Variants in C5orf63 observed in about 807,000 individuals in gnomAD.
C5orf63 encodes the protein glutaredoxin-like protein C5orf63.
C5orf63 carries 18 observed loss-of-function variants against 13.3 expected under a neutral mutation model. The ratio of observed to expected loss-of-function variants is 1.36; its 90% confidence interval spans 0.94 to 2.01. The LOEUF (loss-of-function observed/expected upper bound fraction) is 2.01. Among genes scored for constraint, C5orf63 ranks in the 30% most tolerant of loss-of-function variants. The pLI is 0.00. For synonymous variants in C5orf63, 38 were observed against 44.7 expected, an observed-to-expected ratio of 0.85 and a Z score of 0.60; for missense variants, 118 against 127.7, an observed-to-expected ratio of 0.92 and a Z score of 0.36.
At chr5:127,054,375 C>T (rs966046113) in intron 3 of C5orf63, among the ~76,000 whole-genome samples, 1 of 152,198 alleles carries the variant, frequency 6.6e-6, no homozygotes, top group African/African-American at 2.4e-5. Flanking sequence ...GTTCCTGTTT[C>T]TCCACATCCT....
chr5:127,051,650 C>A lies in C5orf63; in HGVS notation c.*121G>T. On this transcript the variant is annotated 3_prime_UTR_variant, in exon 5 of 5. Coordinates refer to ENST00000296662, the MANE Select transcript of C5orf63 (RefSeq NM_001164478.2). ...GGGGAATGTCAACATTTATTTGGCA[C>A]CACTGAATTCAGAACATCCTTAGGG... The A allele has an allele frequency of 2.3e-6, 3 of 1,284,704 alleles. No individual in the cohort carries two copies. The highest frequency in any genetic ancestry group is 2.9e-6 in the Non-Finnish European group (3 of 1,017,244). 79.6% of individuals were successfully genotyped at this position (1,284,704 alleles called of 1,614,324 possible).
downstream of C5orf63, chr5:127,051,175 A>C: frequency 4.1e-6 from 2 of 482,080 alleles, no homozygotes; most frequent in Non-Finnish European, 6.4e-6. Flanking sequence ...AAGGAGTTTA[A>C]GTTTTTCTTT....
intron 2 of C5orf63, among the ~76,000 whole-genome samples, chr5:127,062,091 A>G (rs1052831576): frequency 2.6e-5 from 4 of 152,372 alleles, no homozygotes; most frequent in Admixed American, 2.6e-4. Context: ...CAAATTCACA[A>G]AGGAAATCTG....
At chr5:127,045,049 T>C (rs1486643232), downstream of C5orf63, 1 of 152,182 alleles carries the variant, frequency 6.6e-6, no homozygotes, top group African/African-American at 2.4e-5. Flanking sequence ...AAAAACTTCC[T>C]AAAAAATGGA....
At chr5:127,052,536 G>T (rs772141219) in intron 4 of C5orf63, 77 bp downstream of exon 4, 84 of 1,007,978 alleles carry the variant, frequency 8.3e-5, no homozygotes, top group Non-Finnish European at 1.1e-4. Flanking sequence ...TTTCCTAAAG[G>T]AAGGATCCAG....
chr5:127,061,009 A>G (rs1481179979), intron 2 of C5orf63, among the ~76,000 whole-genome samples: 1 of 152,226 alleles, frequency 6.6e-6, no homozygotes, highest in Non-Finnish European at 1.5e-5. Context: ...TTTGTATGTT[A>G]AAAGTATTGA....
chr5:127,070,465 C>A (rs968006672), intron 2 of C5orf63, among the ~76,000 whole-genome samples: 3 of 152,164 alleles, frequency 2.0e-5, no homozygotes, highest in Non-Finnish European at 4.4e-5. Context: ...CCATTGGCAA[C>A]AGAAGGCAGC....
At chr5:127,050,399 T>G (rs964235173), downstream of C5orf63, among the ~76,000 whole-genome samples, 1 of 152,100 alleles carries the variant, frequency 6.6e-6, no homozygotes. Context: ...CAGGCTGGAC[T>G]CAAACTTCTG....
intron 2 of C5orf63, among the ~76,000 whole-genome samples, chr5:127,065,755 A>G (rs749451448): frequency 2.6e-5 from 4 of 152,186 alleles, no homozygotes; most frequent in Non-Finnish European, 5.9e-5. Context: ...GGCAGAAAAG[A>G]CTGTTGAGAA....
chr5:127,070,115 G>A (rs1392781589), intron 2 of C5orf63, among the ~76,000 whole-genome samples: 1 of 152,174 alleles, frequency 6.6e-6, no homozygotes, highest in Non-Finnish European at 1.5e-5. Flanking sequence ...AATGAGGAAA[G>A]TCTCAGTTTC....
rs1345208662 is a variant in C5orf63 at position 127,052,612 on chromosome 5, C to T, written c.171+1G>A. 7 of 1,498,822 alleles carry T rather than the reference C, an allele frequency of 4.7e-6. No individual in the cohort carries two copies. The highest frequency in any genetic ancestry group is 6.2e-6 in the Non-Finnish European group (7 of 1,132,746). The allele number at this position is 1,498,822 out of a possible 1,614,324, so 92.8% of individuals were successfully genotyped here. Reference sequence around the variant, plus strand: ...ATAAAAGCCACACTGTATTATATTACCCTGTTTTCATAAGGCTTGAGTACT... The same window carrying T: ...ATAAAAGCCACACTGTATTATATTATCCTGTTTTCATAAGGCTTGAGTACT... On this transcript the variant is annotated splice_donor_variant, in intron 4 of 4. Coordinates refer to ENST00000296662, the MANE Select transcript of C5orf63 (RefSeq NM_001164478.2). LOFTEE classifies it high-confidence loss of function.
chr5:127,068,511 A>G (rs1201663436), intron 2 of C5orf63, among the ~76,000 whole-genome samples: 2 of 152,198 alleles, frequency 1.3e-5, no homozygotes, highest in Non-Finnish European at 2.9e-5. Flanking sequence ...AACTCTCCCT[A>G]CAAAGAAAAA....
At chr5:127,046,069 C>A (rs1467277790) in exon 5 of C5orf63, 1 of 152,190 alleles carries the variant, frequency 6.6e-6, no homozygotes, top group East Asian at 1.9e-4. Flanking sequence ...GCCACATTTC[C>A]AACCATACTC....
At chr5:127,066,292 G>T (rs919983745) in intron 2 of C5orf63, among the ~76,000 whole-genome samples, 2 of 152,028 alleles carry the variant, frequency 1.3e-5, no homozygotes, top group African/African-American at 4.8e-5. Context: ...TTTAGAGGAG[G>T]GAAATGACAT....
At chr5:127,067,025 G>A (rs1390390415) in intron 2 of C5orf63, among the ~76,000 whole-genome samples, 1 of 152,194 alleles carries the variant, frequency 6.6e-6, no homozygotes, top group African/African-American at 2.4e-5. Context: ...CAGAAGAGAT[G>A]CATCTAATGT....
chr5:127,072,285 T>A (rs146562754), intron 1 of C5orf63, among the ~76,000 whole-genome samples: 1 of 152,236 alleles, frequency 6.6e-6, no homozygotes, highest in South Asian at 2.1e-4. Context: ...AGTATTATCA[T>A]AATTATCCAA....
chr5:127,046,648 G>A (rs997099758), downstream of C5orf63: 12 of 152,252 alleles, frequency 7.9e-5, no homozygotes, highest in African/African-American at 2.9e-4. Flanking sequence ...TTGGCCCAGG[G>A]ATAGGCTTCT....
intron 3 of C5orf63, among the ~76,000 whole-genome samples, chr5:127,053,878 G>C (rs965726963): frequency 1.3e-5 from 2 of 152,182 alleles, no homozygotes; most frequent in Non-Finnish European, 2.9e-5. Flanking sequence ...ATTGTGAACA[G>C]TGTCGCAATA....
chr5:127,048,195 G>A (rs747713922), downstream of C5orf63, among the ~76,000 whole-genome samples: 1 of 151,090 alleles, frequency 6.6e-6, no homozygotes, highest in South Asian at 2.1e-4. Context: ...TGCAACGAAG[G>A]TGCCCTCATA....
Sources: gnomAD v4.1 joint callset for allele counts (sites outside exome capture counted in the v4.1 genomes callset) on GRCh38, gnomAD v4.1.1 for gene constraint, MANE v1.5 for transcripts, NCBI Gene and HGNC (gene_info 2026-07-23, HGNC 2026-07-21) for gene names.